NME9: variants seen among roughly 807,000 people sequenced by gnomAD.
The protein encoded by NME9 is thioredoxin domain-containing protein 6.
In NME9, 48 loss-of-function variants were observed where a neutral mutation model predicts 44.4. That is an observed-to-expected ratio of 1.08 (90% CI 0.86 to 1.37). The LOEUF is 1.37. Ranked by LOEUF, NME9 falls within the 40% of genes most tolerant of loss-of-function variation. The pLI, the probability that NME9 is intolerant of heterozygous loss-of-function variation, is 0.00. For missense variants in NME9, 325 were observed against 405.2 expected, an observed-to-expected ratio of 0.80 and a Z score of 1.70; for synonymous variants, 139 against 147.1, an observed-to-expected ratio of 0.94 and a Z score of 0.40.
At chr3:138,275,944 C>T (rs1368890792) in intron 8 of NME9, among the ~76,000 whole-genome samples, 2 of 151,966 alleles carry the variant, frequency 1.3e-5, no homozygotes, top group African/African-American at 4.8e-5. Context: ...ATTACTGAAA[C>T]ACAACAATGA....
intron 10 of NME9, 69 bp from the exon 11 acceptor site, chr3:138,301,773 C>T: frequency 7.9e-7 from 1 of 1,261,222 alleles, no homozygotes; most frequent in Non-Finnish European, 1.1e-6. Flanking sequence ...TCCCACCCAC[C>T]ATCCACAAAG....
intron 8 of NME9, among the ~76,000 whole-genome samples, chr3:138,285,307 G>T (rs1426795953): frequency 6.6e-6 from 1 of 152,192 alleles, no homozygotes; most frequent in East Asian, 1.9e-4. Context: ...TAAGAGAAGA[G>T]AAACTAAAAT....
At chr3:138,283,214 A>G (rs1268469766) in intron 8 of NME9, among the ~76,000 whole-genome samples, 1 of 152,236 alleles carries the variant, frequency 6.6e-6, no homozygotes, top group Non-Finnish European at 1.5e-5. Flanking sequence ...TAGGAGAAAT[A>G]AAACCACACA....
intron 8 of NME9, among the ~76,000 whole-genome samples, chr3:138,305,553 G>C (rs2052187184): frequency 6.6e-6 from 1 of 152,072 alleles, no homozygotes; most frequent in South Asian, 2.1e-4. Context: ...ACACACCCCT[G>C]ACCTGAGAGG....
intron 8 of NME9, among the ~76,000 whole-genome samples, chr3:138,292,055 G>A (rs1164232698): frequency 2.0e-5 from 3 of 150,494 alleles, no homozygotes; most frequent in Non-Finnish European, 4.4e-5. Context: ...CTTTTCTTTC[G>A]AGATGGAGTT....
At chr3:138,296,879 A>T (rs570896332), downstream of NME9, 1 of 152,196 alleles carries the variant, frequency 6.6e-6, no homozygotes, top group Non-Finnish European at 1.5e-5. Flanking sequence ...TGGTATTAGC[A>T]ATATCTGGCC....
chr3:138,289,167 G>A (rs771630214), intron 8 of NME9: 19 of 1,467,854 alleles, frequency 1.3e-5, no homozygotes, highest in African/African-American at 4.2e-5. Context: ...TGGGAAGAGT[G>A]TCTTGCACAG....
chr3:138,318,221 T>C lies in NME9; in HGVS notation c.196-2A>G. On this transcript the variant is annotated splice_acceptor_variant, in intron 3 of 10. Transcript: ENST00000333911. LOFTEE classifies it high-confidence loss of function. ...GACATCAAGACGATCTGCCTCTGCC[T>C]AAAGAAAGCCACTATCAGCAGGTAC... 1 of 1,607,744 alleles carries C rather than the reference T, an allele frequency of 6.2e-7. No homozygotes were observed. Among genetic ancestry groups the C allele is most frequent in the Non-Finnish European group, 8.5e-7 (1 of 1,174,186 alleles).
chr3:138,264,910 TA>T (rs2048126269), intron 8 of NME9, among the ~76,000 whole-genome samples: 1 of 150,006 alleles, frequency 6.7e-6, no homozygotes, highest in Non-Finnish European at 1.5e-5. Flanking sequence ...TTTTTTTTTT[TA>T]AATAGACACA....
chr3:138,306,423 C>T lies in NME9; in HGVS notation c.518G>A (p.Gly173Glu). The change falls in exon 7 of 11, where the codon GGA becomes GAA. Residue 173 changes from glycine to glutamate, a missense_variant. Physicochemically the swap from Gly to Glu is moderately conservative, Grantham distance 98 (BLOSUM62 -2). Transcript: ENST00000333911. ...CTTCATGATAATCTCATCAGTCTTT[C>T]CATGGGCCACTGCATCTGGTTTAAT... ...AIIKPDAVAH[G>E]KTDEIIMKIQ... 1 of 1,613,358 alleles carries T rather than the reference C, an allele frequency of 6.2e-7. No individual in the cohort carries two copies. Among genetic ancestry groups the T allele is most frequent in the East Asian group, 2.2e-5 (1 of 44,882 alleles).
chr3:138,293,704 G>A (rs1451289330), intron 8 of NME9, among the ~76,000 whole-genome samples: 1 of 152,158 alleles, frequency 6.6e-6, no homozygotes, highest in African/African-American at 2.4e-5. Context: ...ATAAACAGTG[G>A]GCTCTGTCAG....
chr3:138,267,650 T>G (rs1237602971), intron 8 of NME9, among the ~76,000 whole-genome samples: 1 of 152,212 alleles, frequency 6.6e-6, no homozygotes, highest in East Asian at 1.9e-4. Flanking sequence ...GAAAATCATC[T>G]TTTGATGTTT....
intron 10 of NME9, among the ~76,000 whole-genome samples, chr3:138,301,968 TG>T (rs2051881173): frequency 6.6e-6 from 1 of 152,240 alleles, no homozygotes; most frequent in Non-Finnish European, 1.5e-5. Flanking sequence ...ATTTTTATTA[TG>T]AAGCTATTTG....
chr3:138,305,014 T>C lies in NME9; in HGVS notation c.650A>G (p.Lys217Arg), dbSNP rs762553097. ...TCCACTGCACATGTGATGTACCAGC[T>C]TCTCAAATGCCTCCTAGGCACAGGG... ...QHKAGEEAFE[K>R]LVHHMCSGPS... The change falls in exon 9 of 11, where the codon AAG (lysine) becomes AGG (arginine). Residue 217 changes from lysine to arginine, a missense_variant. By Grantham distance (26) the Lys-to-Arg change is conservative. Coordinates refer to ENST00000333911, the MANE Select transcript of NME9 (RefSeq NM_001349018.2). 3 of 1,613,954 alleles carry C rather than the reference T, an allele frequency of 1.9e-6. No homozygotes were observed. The highest frequency in any genetic ancestry group is 2.5e-6 in the Non-Finnish European group (3 of 1,179,892).
At chr3:138,308,148 G>A (rs1399581476) in intron 6 of NME9, among the ~76,000 whole-genome samples, 1 of 152,064 alleles carries the variant, frequency 6.6e-6, no homozygotes, top group Non-Finnish European at 1.5e-5. Flanking sequence ...GATGCAACAG[G>A]GGAGCAACAA....
chr3:138,289,263 T>C (rs2050722162), intron 8 of NME9: 1 of 651,628 alleles, frequency 1.5e-6, no homozygotes, highest in Admixed American at 2.9e-5. Context: ...GTTGCCCTGG[T>C]ATGAGAATCA....
intron 8 of NME9, among the ~76,000 whole-genome samples, chr3:138,286,500 C>T (rs1464010292): frequency 6.6e-6 from 1 of 152,154 alleles, no homozygotes; most frequent in Admixed American, 6.6e-5. Context: ...TGCGTGACAC[C>T]ATACCTCCCT....
chr3:138,264,412 C>CTTTTTTTTTT (rs11298899), intron 8 of NME9, among the ~76,000 whole-genome samples: 2 of 48,646 alleles, frequency 4.1e-5, no homozygotes, highest in Non-Finnish European at 7.3e-5. Context: ...GATTTTCTTT[C>CTTTTTTTTTT]TTTTTTTTTT....
intron 8 of NME9, chr3:138,290,689 C>T (rs756515622): frequency 1.4e-5 from 18 of 1,264,724 alleles, no homozygotes; most frequent in Non-Finnish European, 1.8e-5. Flanking sequence ...TGGATTCTTT[C>T]GTGAAAGGGT....
Sources: gnomAD v4.1 joint callset for allele counts (sites outside exome capture counted in the v4.1 genomes callset) on GRCh38, gnomAD v4.1.1 for gene constraint, MANE v1.5 for transcripts, NCBI Gene and HGNC (gene_info 2026-07-23, HGNC 2026-07-21) for gene names.